The following MSRA variants were observed in gnomAD, a reference collection of about 807,000 sequenced individuals.
MSRA encodes the protein methionine sulfoxide reductase A.
MSRA carries 54 observed loss-of-function variants against 31.3 expected under a neutral mutation model. The observed-to-expected ratio is 1.73, with a 90% confidence interval of 1.39 to 2.17. The LOEUF is 2.17. Among genes scored for constraint, MSRA ranks in the 30% most tolerant of loss-of-function variants. MSRA has a pLI of 0.00. For synonymous variants in MSRA, 169 were observed against 116.5 expected, an observed-to-expected ratio of 1.45 and a Z score of -2.90; for missense variants, 507 against 300.9, an observed-to-expected ratio of 1.69 and a Z score of -5.07.
intron 1 of MSRA, among the ~76,000 whole-genome samples, chr8:10,138,321 AG>A (rs1277767057): frequency 2.0e-5 from 3 of 152,148 alleles, no homozygotes; most frequent in Non-Finnish European, 4.4e-5. Flanking sequence ...TGAAGATGGG[AG>A]GGTGTGGGAG....
At chr8:10,121,731 T>C (rs1237103391) in intron 1 of MSRA, among the ~76,000 whole-genome samples, 15 of 151,968 alleles carry the variant, frequency 9.9e-5, no homozygotes, top group Admixed American at 9.8e-4. Context: ...CATGCAGCGG[T>C]ATGATCATAG....
intron 1 of MSRA, among the ~76,000 whole-genome samples, chr8:10,131,131 A>G (rs1801866167): frequency 6.6e-6 from 1 of 152,214 alleles, no homozygotes; most frequent in African/African-American, 2.4e-5. Context: ...ATGTTAGGGC[A>G]CTGATCATGT....
chr8:10,204,138 A>G (rs1336856403), intron 1 of MSRA, among the ~76,000 whole-genome samples: 7 of 151,762 alleles, frequency 4.6e-5, no homozygotes, highest in Non-Finnish European at 1.0e-4. Context: ...TAATTGTACA[A>G]TGTGCTTGTG....
chr8:10,107,521 C>T (rs920788997), intron 1 of MSRA, among the ~76,000 whole-genome samples: 1 of 152,140 alleles, frequency 6.6e-6, no homozygotes, highest in African/African-American at 2.4e-5. Context: ...GTTTCATCTT[C>T]CACCTGGATT....
At chr8:10,140,662 A>T (rs939027916) in intron 1 of MSRA, among the ~76,000 whole-genome samples, 1 of 152,172 alleles carries the variant, frequency 6.6e-6, no homozygotes, top group Non-Finnish European at 1.5e-5. Context: ...TGCAGCAGGG[A>T]TGGAGAGAGC....
chr8:10,167,898 T>A (rs941146740), intron 1 of MSRA, among the ~76,000 whole-genome samples: 1 of 152,164 alleles, frequency 6.6e-6, no homozygotes, highest in African/African-American at 2.4e-5. Flanking sequence ...GAAGGCCCTA[T>A]ACCCTGATGT....
At chr8:10,418,523 G>A (rs989593710) in intron 5 of MSRA, among the ~76,000 whole-genome samples, 2 of 152,024 alleles carry the variant, frequency 1.3e-5, no homozygotes, top group African/African-American at 4.8e-5. Context: ...GACTCCAGAG[G>A]GTCATAGGAT....
chr8:10,273,138 G>T (rs1479544194), intron 3 of MSRA, among the ~76,000 whole-genome samples: 2 of 152,200 alleles, frequency 1.3e-5, no homozygotes, highest in Admixed American at 1.3e-4. Context: ...TTAGCATTCA[G>T]TAGGAACTAT....
intron 1 of MSRA, among the ~76,000 whole-genome samples, chr8:10,127,927 G>T (rs903720559): frequency 6.6e-6 from 1 of 151,944 alleles, no homozygotes. Context: ...CTTTGTGTAC[G>T]TGAATGTGCC....
intron 3 of MSRA, among the ~76,000 whole-genome samples, chr8:10,259,451 C>T (rs74929257): frequency 6.6e-6 from 1 of 152,254 alleles, no homozygotes; most frequent in East Asian, 1.9e-4. Context: ...GGACATACTT[C>T]CTGGTGAAGC....
intron 3 of MSRA, among the ~76,000 whole-genome samples, chr8:10,273,624 C>G (rs1227490781): frequency 2.0e-5 from 3 of 152,100 alleles, no homozygotes; most frequent in Non-Finnish European, 4.4e-5. Context: ...TATGCAACCT[C>G]CCACCATCTC....
intron 1 of MSRA, among the ~76,000 whole-genome samples, chr8:10,085,705 A>C (rs1224741742): frequency 6.6e-6 from 1 of 152,202 alleles, no homozygotes; most frequent in Non-Finnish European, 1.5e-5. Context: ...GTTTTAGAAC[A>C]CTGTCATCAC....
At chr8:10,384,988 C>A (rs1286913338) in intron 5 of MSRA, among the ~76,000 whole-genome samples, 1 of 151,810 alleles carries the variant, frequency 6.6e-6, no homozygotes, top group Non-Finnish European at 1.5e-5. Flanking sequence ...GGTGACAGAG[C>A]AAAACCCTGT....
At chr8:10,134,653 C>G (rs28378324) in intron 1 of MSRA, among the ~76,000 whole-genome samples, 2 of 152,150 alleles carry the variant, frequency 1.3e-5, no homozygotes, top group African/African-American at 4.8e-5. Context: ...CTGCACGCCT[C>G]GTATCAGAAC....
chr8:10,308,696 T>A (rs1330726456), intron 4 of MSRA, among the ~76,000 whole-genome samples: 1 of 152,254 alleles, frequency 6.6e-6, no homozygotes, highest in African/African-American at 2.4e-5. Flanking sequence ...ATGCTCACTG[T>A]GCTTCAGTTA....
chr8:10,183,813 GC>G, intron 1 of MSRA, among the ~76,000 whole-genome samples: 1 of 150,856 alleles, frequency 6.6e-6, no homozygotes, highest in Non-Finnish European at 1.5e-5. Flanking sequence ...TGGTGGTGCT[GC>G]TGCTGCTGCT....
At chr8:10,067,946 C>T (rs886562937) in intron 1 of MSRA, among the ~76,000 whole-genome samples, 4 of 125,118 alleles carry the variant, frequency 3.2e-5, no homozygotes, top group Non-Finnish European at 4.7e-5. Flanking sequence ...TGCAGTGGTG[C>T]GATCTTGGCT....
At chr8:10,268,186 G>A (rs1375162446) in intron 3 of MSRA, among the ~76,000 whole-genome samples, 1 of 152,192 alleles carries the variant, frequency 6.6e-6, no homozygotes, top group African/African-American at 2.4e-5. Context: ...CCTGGTGGAG[G>A]AGATGGACAC....
At chr8:10,234,525 A>G (rs1022691665) in intron 2 of MSRA, among the ~76,000 whole-genome samples, 3 of 152,168 alleles carry the variant, frequency 2.0e-5, no homozygotes, top group Middle Eastern at 3.4e-3. Flanking sequence ...TAGGAGAGAG[A>G]AAATGAGGGA....
Sources: gnomAD v4.1 joint callset for allele counts (sites outside exome capture counted in the v4.1 genomes callset) on GRCh38, gnomAD v4.1.1 for gene constraint, MANE v1.5 for transcripts, NCBI Gene and HGNC (gene_info 2026-07-23, HGNC 2026-07-21) for gene names.